Variants in EXTL3 observed in about 807,000 individuals in gnomAD.
EXTL3 encodes the protein exostosin-like 3.
EXTL3 carries 27 observed loss-of-function variants against 69.3 expected under a neutral mutation model. The ratio of observed to expected loss-of-function variants is 0.39; its 90% CI spans 0.29 to 0.54. The LOEUF (loss-of-function observed/expected upper bound fraction) is 0.54. EXTL3 is among the 20% of genes least tolerant of loss of function. EXTL3 has a pLI of 0.69. For synonymous variants in EXTL3, 511 were observed against 499.4 expected (o/e 1.02, Z -0.31); for missense variants, 1,003 against 1,231.8 (o/e 0.81, Z 2.78).
intron 1 of EXTL3, among the ~76,000 whole-genome samples, chr8:28,652,277 A>G (rs182113978): frequency 1.3e-5 from 2 of 152,156 alleles, no homozygotes; most frequent in Non-Finnish European, 2.9e-5. Context: ...TGTTTTCCAC[A>G]GTGGTTGCGT....
chr8:28,660,637 A>G (rs1016455756), intron 1 of EXTL3, among the ~76,000 whole-genome samples: 8 of 152,230 alleles, frequency 5.3e-5, no homozygotes, highest in South Asian at 2.1e-4. Flanking sequence ...CATCACCACT[A>G]TCCTTCTCTA....
chr8:28,733,979 G>A (rs1280494851), intron 4 of EXTL3, among the ~76,000 whole-genome samples: 2 of 151,868 alleles, frequency 1.3e-5, no homozygotes, highest in Non-Finnish European at 2.9e-5. Context: ...CACCATGCCT[G>A]GCTAATGTTT....
chr8:28,694,411 A>G (rs574650260), intron 1 of EXTL3, among the ~76,000 whole-genome samples: 3 of 152,382 alleles, frequency 2.0e-5, no homozygotes, highest in Admixed American at 1.3e-4. Flanking sequence ...ATTTGAACTC[A>G]TTTAACAAAT....
intron 1 of EXTL3, among the ~76,000 whole-genome samples, chr8:28,685,453 T>C (rs1357280707): frequency 6.6e-6 from 1 of 151,908 alleles, no homozygotes; most frequent in East Asian, 1.9e-4. Context: ...CTTGCTTTTT[T>C]TGACGACATT....
intron 4 of EXTL3, among the ~76,000 whole-genome samples, chr8:28,737,163 C>G (rs556867750): frequency 1.0e-3 from 154 of 152,300 alleles, no homozygotes; most frequent in African/African-American, 3.5e-3. Context: ...TATCATCTTT[C>G]TGCTGCTTAG....
At chr8:28,723,404 C>T (rs564801063) in intron 3 of EXTL3, among the ~76,000 whole-genome samples, 6 of 152,228 alleles carry the variant, frequency 3.9e-5, no homozygotes, top group Non-Finnish European at 7.4e-5. Context: ...TAAAACAAGG[C>T]TACCCCGAAC....
At chr8:28,732,525 C>T (rs1376565282) in intron 4 of EXTL3, among the ~76,000 whole-genome samples, 1 of 152,152 alleles carries the variant, frequency 6.6e-6, no homozygotes, top group Non-Finnish European at 1.5e-5. Flanking sequence ...GAAAGAAACC[C>T]TGTACCTATT....
At chr8:28,678,189 G>A (rs952064623) in intron 1 of EXTL3, 5 of 152,406 alleles carry the variant, frequency 3.3e-5, no homozygotes, top group Admixed American at 6.5e-5. Flanking sequence ...AAGGCAGCCT[G>A]AGTGGTGAGT....
At chr8:28,705,720 A>G (rs911752007) in intron 1 of EXTL3, among the ~76,000 whole-genome samples, 1 of 152,202 alleles carries the variant, frequency 6.6e-6, no homozygotes, top group African/African-American at 2.4e-5. Flanking sequence ...AAACCGTTAG[A>G]TTAGTTTATA....
rs752962811 is a variant in EXTL3, at chr8:28,716,979, A to G, written c.920A>G (p.Gln307Arg). The change falls in exon 3 of 7, where the codon CAG (glutamine) becomes CGG (arginine). Residue 307 changes from glutamine to arginine, a missense_variant. Physicochemically the swap from Gln to Arg is conservative, Grantham distance 43. Around this residue, in one of 2 missense-constraint regions of EXTL3, gnomAD observed 742 missense variants for 815.4 expected, o/e 0.91. Transcript: ENST00000220562. The surrounding 1 kb of genome is among the most constrained non-coding windows in gnomAD (Gnocchi z 7.1). ...MVAQSTFYTV[Q>R]YRPGFDLVVS... The stretch of plus-strand genomic sequence containing the variant: ...GCCCAGTCCACCTTCTACACTGTCC[A>G]GTACAGACCTGGCTTTGACTTGGTC... 1.9e-6 allele frequency: 3 copies of G among 1,614,206 alleles called. No individual in the cohort carries two copies. The highest frequency in any genetic ancestry group is 2.5e-6 in the Non-Finnish European group (3 of 1,180,036).
chr8:28,617,807 T>TA (rs968445814), upstream of EXTL3, among the ~76,000 whole-genome samples: 17 of 151,352 alleles, frequency 1.1e-4, no homozygotes, highest in Admixed American at 2.0e-4. Flanking sequence ...TCAACAACAA[T>TA]AAAAAAAACA....
chr8:28,658,085 G>C (rs1279841677), intron 1 of EXTL3, among the ~76,000 whole-genome samples: 1 of 152,208 alleles, frequency 6.6e-6, no homozygotes, highest in African/African-American at 2.4e-5. Flanking sequence ...TCAGCAGCTG[G>C]GCAGGGGCCT....
intron 1 of EXTL3, among the ~76,000 whole-genome samples, chr8:28,653,109 A>G (rs1806953788): frequency 6.6e-6 from 1 of 152,236 alleles, no homozygotes; most frequent in Admixed American, 6.5e-5. Context: ...ACATGAATCC[A>G]CATGATAGTA....
At chr8:28,652,788 T>C (rs536257035) in intron 1 of EXTL3, among the ~76,000 whole-genome samples, 26 of 152,308 alleles carry the variant, frequency 1.7e-4, no homozygotes, top group African/African-American at 6.0e-4. Flanking sequence ...TTTTCCTGTG[T>C]TTATTGGTCA....
At chr8:28,706,884 T>G (rs1438433800) in intron 1 of EXTL3, among the ~76,000 whole-genome samples, 1 of 152,156 alleles carries the variant, frequency 6.6e-6, no homozygotes, top group East Asian at 1.9e-4. Flanking sequence ...GATTCTTATA[T>G]AGTCAAACCT....
chr8:28,681,955 A>G (rs1044137923), intron 1 of EXTL3, among the ~76,000 whole-genome samples: 3 of 152,110 alleles, frequency 2.0e-5, no homozygotes, highest in African/African-American at 7.2e-5. Flanking sequence ...GCTACTCGGG[A>G]GGCTGAGGCA....
chr8:28,755,488 C>T lies in EXTL3; in HGVS notation c.*4622C>T, dbSNP rs1802102104. On this transcript the variant is annotated 3_prime_UTR_variant, in exon 7 of 7. Transcript: ENST00000220562. ...TACAGGCTGGGTGCGGTGGTTCACG[C>T]CTGTAATCCCAGCACCTGGGGAGGC... 6.6e-6 allele frequency: 1 copy of T among 152,294 alleles called. No individual in the cohort carries two copies. Among genetic ancestry groups the T allele is most frequent in the Non-Finnish European group, 1.5e-5 (1 of 68,104 alleles). 9.4% of individuals were successfully genotyped at this position (152,294 alleles called of 1,614,324 possible).
chr8:28,611,325 C>T lies in EXTL3; in HGVS notation n.314+3567C>T, dbSNP rs561132543. ...TAATAAAATTAGGTGGGGTTGTGCA[C>T]GCCTGTAGTCCCAGCTCCTTGGTAG... On this transcript the variant is annotated intron_variant and non_coding_transcript_variant, in intron 2 of 4. Transcript: ENST00000522725. 1.7e-4 allele frequency among the ~76,000 whole-genome samples: 26 copies of T among 152,080 alleles called. No homozygotes were observed. The South Asian group carries it at 4.8e-3, about 28-fold the overall frequency.
chr8:28,737,943 C>T (rs1801686480), intron 5 of EXTL3, among the ~76,000 whole-genome samples: 1 of 135,982 alleles, frequency 7.4e-6, no homozygotes. Context: ...AAACTGAGGG[C>T]ACTGGGCTAA....
Sources: gnomAD v4.1 joint callset for allele counts (sites outside exome capture counted in the v4.1 genomes callset) on GRCh38, gnomAD v4.1.1 for gene constraint, gnomAD v4.1.1 regional missense constraint, Gnocchi (gnomAD v3.1) non-coding constraint, MANE v1.5 for transcripts, NCBI Gene and HGNC (gene_info 2026-07-23, HGNC 2026-07-21) for gene names.